MGAM2: variants seen among roughly 807,000 people sequenced by gnomAD.
MGAM2 encodes the protein probable maltase-glucoamylase 2.
In MGAM2, 98 loss-of-function variants were observed where a neutral mutation model predicts 96.1. The ratio of observed to expected loss-of-function variants is 1.02; its 90% CI spans 0.87 to 1.21. MGAM2 has a LOEUF of 1.21. Among genes scored for constraint, MGAM2 ranks in the 50% most tolerant of loss-of-function variants. The pLI is 0.00. For missense variants in MGAM2, 2,055 were observed against 1,182.4 expected, an observed-to-expected ratio of 1.74 and a Z score of -10.82; for synonymous variants, 749 against 414.8, an observed-to-expected ratio of 1.81 and a Z score of -9.79.
At chr7:142,219,647 TGAAAA>T (rs979647959) in intron 47 of MGAM2, among the ~76,000 whole-genome samples, 1 of 152,100 alleles carries the variant, frequency 6.6e-6, no homozygotes, top group African/African-American at 2.4e-5. Context: ...CTAAATGAAG[TGAAAA>T]GAAAAGATTT....
intron 1 of MGAM2, among the ~76,000 whole-genome samples, chr7:142,113,620 T>TG (rs951455466): frequency 2.0e-5 from 3 of 151,960 alleles, no homozygotes; most frequent in Non-Finnish European, 4.4e-5. Context: ...GAGTGAGGTG[T>TG]GGGGAGAGAT....
intron 23 of MGAM2, among the ~76,000 whole-genome samples, chr7:142,163,627 G>A (rs1795953949): frequency 6.6e-6 from 1 of 152,066 alleles, no homozygotes. Flanking sequence ...GCAGTTGCTG[G>A]GTCTTATGGT....
At chr7:142,142,080 T>A (rs1412339176) in intron 12 of MGAM2, among the ~76,000 whole-genome samples, 1 of 152,166 alleles carries the variant, frequency 6.6e-6, no homozygotes, top group African/African-American at 2.4e-5. Context: ...AAACTGTCTT[T>A]TCAGGGTTAT....
chr7:142,167,308 C>A lies in MGAM2; in HGVS notation c.2849C>A (p.Thr950Asn). 1.4e-6 allele frequency: 1 copy of A among 702,446 alleles called. No homozygotes were observed. Among genetic ancestry groups the A allele is most frequent in the Non-Finnish European group, 2.6e-6 (1 of 384,682 alleles). The allele number at this position is 702,446 out of a possible 1,614,324, so 43.5% of individuals were successfully genotyped here. The change falls in exon 26 of 48, where the codon ACC (threonine) becomes AAC (asparagine). Residue 950 changes from threonine to asparagine, a missense_variant. Transcript: ENST00000477922. ...GGAGTGCCCACCTGTTACTATGACA[C>A]CATCCCTAATTATGTTGCTAGTGAT... is the stretch of plus-strand genomic sequence containing the variant. ...TPGVPTCYYDTIPNYVASDIQ... is the reference protein window; with the variant it reads ...TPGVPTCYYDNIPNYVASDIQ...
chr7:142,122,219 C>G (rs1290624458), intron 3 of MGAM2, among the ~76,000 whole-genome samples: 1 of 152,158 alleles, frequency 6.6e-6, no homozygotes, highest in African/African-American at 2.4e-5. Context: ...ATTAATCTAT[C>G]TGATTTCTAT....
chr7:142,192,788 G>A (rs1379571533), intron 37 of MGAM2, among the ~76,000 whole-genome samples: 1 of 152,004 alleles, frequency 6.6e-6, no homozygotes, highest in East Asian at 1.9e-4. Flanking sequence ...CTTTTCCATG[G>A]GTGCTCGTTT....
chr7:142,206,186 G>A (rs186144623), intron 45 of MGAM2, among the ~76,000 whole-genome samples: 1 of 152,128 alleles, frequency 6.6e-6, no homozygotes, highest in Admixed American at 6.5e-5. Context: ...CTTGATTACA[G>A]TGGATTTGTA....
Position 142,167,172 on chromosome 7 carries a change from G to A in MGAM2, c.2809-96G>A, listed in dbSNP as rs1796052628. The A allele has an allele frequency of 6.6e-6, 4 of 605,284 alleles. No homozygotes were observed. In the Admixed American group the frequency reaches 1.1e-4, roughly 17 times the overall value. The allele number at this position is 605,284 out of a possible 1,614,324, so 37.5% of individuals were successfully genotyped here. ...AATTCAACCCATAACCATGGACATG[G>A]TATTAGAGACTTAGTCTGTGTTAAC... On this transcript the variant is annotated intron_variant, in intron 25 of 47. Transcript: ENST00000477922.
intron 46 of MGAM2, among the ~76,000 whole-genome samples, chr7:142,215,529 G>A (rs974071596): frequency 6.6e-6 from 1 of 151,910 alleles, no homozygotes; most frequent in Non-Finnish European, 1.5e-5. Context: ...GGGAAGCCAA[G>A]GCAGGTGGAT....
chr7:142,188,799 T>G (rs1337800365), intron 36 of MGAM2, among the ~76,000 whole-genome samples: 1 of 152,244 alleles, frequency 6.6e-6, no homozygotes, highest in Admixed American at 6.5e-5. Flanking sequence ...AAAATAGGCC[T>G]TGTATTAGAT....
At position 142,197,508 on chromosome 7, in the gene MGAM2, C is replaced by T; in HGVS notation, c.4741C>T (p.His1581Tyr). The change falls in exon 41 of 48, where the codon CAC (histidine) becomes TAC (tyrosine). Residue 1581 changes from histidine (H) to tyrosine (Y), a missense_variant. His to Tyr is a moderately conservative substitution (Grantham distance 83). Transcript: ENST00000477922. ...TCTCTATACTCTGATGCATAAAGCT[C>T]ACGTTGAGGGCAGCACAGTTGTCCG... ...PYLYTLMHKA[H>Y]VEGSTVVRPL... The T allele has an allele frequency of 2.8e-6, 2 of 703,156 alleles. No individual in the cohort carries two copies. The highest frequency in any genetic ancestry group is 1.5e-5 in the South Asian group (1 of 67,598). 43.6% of individuals were successfully genotyped at this position (703,156 alleles called of 1,614,324 possible). A position where few individuals can be genotyped will look rare whatever the true frequency, so the allele number is the denominator to read the frequency against.
chr7:142,142,161 C>CT (rs59628252), intron 12 of MGAM2, among the ~76,000 whole-genome samples: 150,939 of 151,786 alleles, frequency 0.99, 75,051 homozygotes, highest in East Asian at 1. Context: ...ATTCTATTTA[C>CT]TTTTTTTTCA....
At chr7:142,193,059 C>T (rs1256476100) in intron 37 of MGAM2, among the ~76,000 whole-genome samples, 1 of 152,164 alleles carries the variant, frequency 6.6e-6, no homozygotes, top group Non-Finnish European at 1.5e-5. Context: ...TTGCCTATAT[C>T]CTCCTCCAAC....
intron 3 of MGAM2, among the ~76,000 whole-genome samples, chr7:142,130,004 T>C (rs1197957877): frequency 6.6e-6 from 1 of 152,186 alleles, no homozygotes; most frequent in Non-Finnish European, 1.5e-5. Context: ...GGTGAATGCC[T>C]GTGTTTATTC....
chr7:142,189,462 G>T lies in MGAM2; in HGVS notation c.4303G>T (p.Val1435Leu), dbSNP rs1366355204. ...PDSSPVEHYN[V>L]HNLYGWSQTR... ...CAGCTCCCCCGTGGAGCACTACAACGTGCACAACCTGTACGGGTGGTCCCA... is the reference window on the plus strand; with the variant it reads ...CAGCTCCCCCGTGGAGCACTACAACTTGCACAACCTGTACGGGTGGTCCCA... The change falls in exon 37 of 48, where the codon GTG becomes TTG. Residue 1435 changes from valine (V) to leucine (L), a missense_variant. By Grantham distance (32) the Val-to-Leu change is conservative. Transcript: ENST00000477922. 2.3e-6 allele frequency: 2 copies of T among 855,302 alleles called. No homozygotes were observed. Among genetic ancestry groups the T allele is most frequent in the Non-Finnish European group, 3.9e-6 (2 of 512,170 alleles). The allele number at this position is 855,302 out of a possible 1,614,324, so 53.0% of individuals were successfully genotyped here.
At position 142,167,463 on chromosome 7, in the gene MGAM2, A is replaced by G; in HGVS notation, c.3004A>G (p.Thr1002Ala). 1.4e-6 allele frequency: 1 copy of G among 702,998 alleles called. No homozygotes were observed. Among genetic ancestry groups the G allele is most frequent in the Non-Finnish European group, 2.6e-6 (1 of 385,002 alleles). 43.5% of individuals were successfully genotyped at this position (702,998 alleles called of 1,614,324 possible). Residue 1002 changes from threonine to alanine, a missense_variant, in exon 26 of 48, where the codon ACA (threonine) becomes GCA (alanine). Transcript: ENST00000477922. ...CCTCCACCTGAAAGTGATCTATCAC[A>G]CAGCAACCATGCTGCAGGTCAAGGT... Reference protein sequence around the residue: ...SFLHLKVIYHTATMLQVKIYD... With the variant: ...SFLHLKVIYHAATMLQVKIYD...
At chr7:142,203,973 C>A (rs367698041) in intron 45 of MGAM2, among the ~76,000 whole-genome samples, 4 of 152,182 alleles carry the variant, frequency 2.6e-5, no homozygotes, top group African/African-American at 9.6e-5. Context: ...TTAAAATCAG[C>A]TTGTCACTTT....
At position 142,218,407 on chromosome 7, in the gene MGAM2, C is replaced by T. The variant is rs1163220949; in HGVS notation, c.5234C>T (p.Ser1745Leu). Residue 1745 changes from serine to leucine, a missense_variant, in exon 47 of 48, where the codon TCG (serine) becomes TTG (leucine). Coordinates refer to ENST00000477922, the MANE Select transcript of MGAM2 (RefSeq NM_001293626.2). ...ATACACAATAAGTATTTGAGTGACT[C>T]GAATCCACTAAAAGTTGGGTATATT... ...QTIHNKYLSD[S>L]NPLKVGYIRI... 2.4e-5 allele frequency: 17 copies of T among 702,170 alleles called. No individual in the cohort carries two copies. Among genetic ancestry groups the T allele is most frequent in the African/African-American group, 3.5e-5 (2 of 57,192 alleles). 43.5% of individuals were successfully genotyped at this position (702,170 alleles called of 1,614,324 possible).
chr7:142,207,198 G>A (rs982508959), intron 45 of MGAM2, among the ~76,000 whole-genome samples: 3 of 152,138 alleles, frequency 2.0e-5, no homozygotes, highest in African/African-American at 7.2e-5. Flanking sequence ...CATAAAGTAA[G>A]GAGTATTTCA....
Sources: gnomAD v4.1 joint callset for allele counts (sites outside exome capture counted in the v4.1 genomes callset) on GRCh38, gnomAD v4.1.1 for gene constraint, MANE v1.5 for transcripts, NCBI Gene and HGNC (gene_info 2026-07-23, HGNC 2026-07-21) for gene names.